The following CRYBG1 variants were observed in gnomAD, a reference collection of about 807,000 sequenced individuals.
CRYBG1 encodes crystallin beta-gamma domain containing 1.
A neutral mutation model predicts 189.2 loss-of-function variants in CRYBG1; 139 were observed. That is an observed-to-expected ratio of 0.73 (90% confidence interval 0.64 to 0.85). The LOEUF (loss-of-function observed/expected upper bound fraction) is 0.85, where lower values mean the gene tolerates loss of function less well. CRYBG1 is among the 40% of genes least tolerant of loss of function. The pLI is 0.00. For missense variants in CRYBG1, 2,611 were observed against 2,675.8 expected (o/e 0.98, Z 0.53); for synonymous variants, 1,023 against 1,017.1 (o/e 1.01, Z -0.11).
At chr6:106,362,518 G>A (rs558692729) in intron 1 of CRYBG1, among the ~76,000 whole-genome samples, 105 of 152,274 alleles carry the variant, frequency 6.9e-4, no homozygotes, top group African/African-American at 2.5e-3. Context: ...GAAACAGGGA[G>A]GAGCAGCGAG....
Position 106,530,093 on chromosome 6 carries a change from T to C in CRYBG1, c.4579-83T>C, listed in dbSNP as rs1773843810. The C allele has an allele frequency of 8.6e-6, 11 of 1,273,346 alleles. No individual in the cohort carries two copies. The South Asian group carries it at 1.4e-4, about 17-fold the overall frequency. The allele number at this position is 1,273,346 out of a possible 1,614,324, so 78.9% of individuals were successfully genotyped here. A position where few individuals can be genotyped will look rare whatever the true frequency, so the allele number is the denominator to read the frequency against. The stretch of plus-strand genomic sequence containing the variant: ...TAAATTTAAAGCTCATTTTGATTAG[T>C]TGTAAGAAGAAGAAGAATGAGCTTA... On this transcript the variant is annotated intron_variant, in intron 7 of 21. Transcript: ENST00000633556.
chr6:106,459,184 G>C (rs983373299), intron 2 of CRYBG1, among the ~76,000 whole-genome samples: 1 of 152,126 alleles, frequency 6.6e-6, no homozygotes, highest in African/African-American at 2.4e-5. Flanking sequence ...GATGTGTTTT[G>C]CTTTCCACCA....
chr6:106,437,676 A>T (rs1414292434), intron 1 of CRYBG1, among the ~76,000 whole-genome samples: 1 of 152,188 alleles, frequency 6.6e-6, no homozygotes, highest in African/African-American at 2.4e-5. Context: ...GGCTCAATTG[A>T]TCCTCCTGCC....
At chr6:106,481,550 G>GGA (rs1346504618) in intron 2 of CRYBG1, among the ~76,000 whole-genome samples, 2 of 149,854 alleles carry the variant, frequency 1.3e-5, no homozygotes, top group Non-Finnish European at 3.0e-5. Context: ...CTTCTCTCCT[G>GGA]GAGACCCTCT....
intron 3 of CRYBG1, among the ~76,000 whole-genome samples, chr6:106,513,945 A>G (rs2114528054): frequency 6.6e-6 from 1 of 152,366 alleles, no homozygotes; most frequent in Admixed American, 6.5e-5. Context: ...TGGGGGAAAA[A>G]AACCCTACAA....
rs146856524 is a variant in CRYBG1, at chr6:106,527,415, A to G, written c.4523A>G (p.Glu1508Gly). 1.4e-4 allele frequency: 218 copies of G among 1,613,790 alleles called. No individual in the cohort carries two copies. The African/African-American group carries it at 2.6e-3, about 19-fold the overall frequency. The change falls in exon 7 of 22, where the codon GAA becomes GGA. Residue 1508 changes from glutamate (E) to glycine (G), a missense_variant. By Grantham distance (98) the Glu-to-Gly change is moderately conservative. Transcript: ENST00000633556. ...ATAGAAGACATTTTGGAAAGGCACG[A>G]AGAAGCAGAGTCTGATAAGCCAGTG... Reference protein sequence around the residue: ...WGIEDILERHEEAESDKPVVI... With the variant: ...WGIEDILERHGEAESDKPVVI...
At chr6:106,493,408 G>A (rs764281672) in intron 2 of CRYBG1, among the ~76,000 whole-genome samples, 4 of 152,192 alleles carry the variant, frequency 2.6e-5, no homozygotes, top group Non-Finnish European at 5.9e-5. Flanking sequence ...ATAAAATGGT[G>A]CAGCTACTAT....
chr6:106,544,571 T>A lies in CRYBG1; in HGVS notation c.5040T>A (p.Ile1680=), dbSNP rs1234217551. 6.2e-7 allele frequency: 1 copy of A among 1,613,308 alleles called. No homozygotes were observed. The highest frequency in any genetic ancestry group is 8.5e-7 in the Non-Finnish European group (1 of 1,179,610). Residue 1680 remains isoleucine (I), a splice_region_variant and synonymous_variant, in exon 12 of 22, where the codon ATT becomes ATA. Transcript: ENST00000633556. ...ACTCCTCGTGTTCTTTATGTTGCAG[T>A]TGGGTTGCATATGAGAAACCTGGAT... The part of the protein sequence containing the change: ...SVGSMKVLRG[I]WVAYEKPGFT...
chr6:106,424,913 C>T (rs1319973880), intron 1 of CRYBG1, among the ~76,000 whole-genome samples: 1 of 152,172 alleles, frequency 6.6e-6, no homozygotes, highest in Admixed American at 6.5e-5. Flanking sequence ...CCCTCAAGTC[C>T]TTCCACTGTG....
intron 1 of CRYBG1, among the ~76,000 whole-genome samples, chr6:106,430,068 G>T (rs1161015944): frequency 2.6e-5 from 4 of 152,084 alleles, no homozygotes; most frequent in African/African-American, 9.7e-5. Context: ...CCTAATAAAT[G>T]CTTAGAACAA....
chr6:106,402,454 A>G (rs1426079744), intron 1 of CRYBG1, among the ~76,000 whole-genome samples: 1 of 85,752 alleles, frequency 1.2e-5, no homozygotes, highest in Non-Finnish European at 2.3e-5. Flanking sequence ...ACAGAGATAT[A>G]GATCAATGGA....
intron 17 of CRYBG1, among the ~76,000 whole-genome samples, chr6:106,556,883 T>C (rs557478489): frequency 6.6e-6 from 1 of 152,322 alleles, no homozygotes; most frequent in South Asian, 2.1e-4. Flanking sequence ...AGCTTACAAG[T>C]AATGAATAAG....
At chr6:106,515,942 C>G (rs1383322659) in intron 3 of CRYBG1, among the ~76,000 whole-genome samples, 1 of 151,564 alleles carries the variant, frequency 6.6e-6, no homozygotes, top group African/African-American at 2.4e-5. Context: ...TACAGGCGCA[C>G]CACCATGTCT....
At chr6:106,508,524 C>A (rs1263718506) in intron 2 of CRYBG1, among the ~76,000 whole-genome samples, 4 of 152,210 alleles carry the variant, frequency 2.6e-5, no homozygotes, top group African/African-American at 7.2e-5. Context: ...CACCGACCTA[C>A]TTTCTATCAT....
chr6:106,472,458 GAT>G (rs1348397421), intron 2 of CRYBG1, among the ~76,000 whole-genome samples: 1 of 152,118 alleles, frequency 6.6e-6, no homozygotes, highest in Non-Finnish European at 1.5e-5. Flanking sequence ...ACTATCTAAA[GAT>G]GTGTTTGTTT....
At chr6:106,404,609 C>G (rs1582743959) in intron 1 of CRYBG1, among the ~76,000 whole-genome samples, 1 of 151,638 alleles carries the variant, frequency 6.6e-6, no homozygotes, top group Admixed American at 6.6e-5. Flanking sequence ...CAAATAGGAA[C>G]AGCTCCGGTC....
At chr6:106,420,023 C>A (rs548651688) in intron 1 of CRYBG1, among the ~76,000 whole-genome samples, 16 of 152,172 alleles carry the variant, frequency 1.1e-4, no homozygotes, top group Non-Finnish European at 2.2e-4. Context: ...CATCAACTTA[C>A]AACAAGGCAT....
chr6:106,554,914 C>T (rs1434554836), intron 16 of CRYBG1, among the ~76,000 whole-genome samples: 1 of 152,108 alleles, frequency 6.6e-6, no homozygotes, highest in Non-Finnish European at 1.5e-5. Context: ...CACCTGTAAT[C>T]CCAGCACTTT....
chr6:106,435,401 A>G (rs758554538), intron 1 of CRYBG1, among the ~76,000 whole-genome samples: 1 of 152,030 alleles, frequency 6.6e-6, no homozygotes, highest in Non-Finnish European at 1.5e-5. Context: ...CTGGGCTGAT[A>G]TGATGCTCCT....
Sources: allele counts gnomAD v4.1 joint callset (sites outside exome capture counted in the v4.1 genomes callset), GRCh38; gene constraint gnomAD v4.1.1; transcripts MANE v1.5; gene names NCBI Gene and HGNC (gene_info 2026-07-23, HGNC 2026-07-21).